The following WDHD1 variants were observed in gnomAD, a reference collection of about 807,000 sequenced individuals.
WDHD1 encodes the protein WD repeat and HMG-box DNA-binding protein 1.
In WDHD1, 111 loss-of-function variants were observed where a neutral mutation model predicts 135.4. The ratio of observed to expected loss-of-function variants is 0.82; its 90% CI spans 0.70 to 0.96. WDHD1 has a LOEUF of 0.96. Ranked by LOEUF, WDHD1 falls within the 40% of genes least tolerant of loss-of-function variation. The pLI is 0.00. For synonymous variants in WDHD1, 434 were observed against 439.0 expected, an observed-to-expected ratio of 0.99 and a Z score of 0.14; for missense variants, 1,351 against 1,336.3, an observed-to-expected ratio of 1.01 and a Z score of -0.17.
chr14:54,968,405 G>A (rs188858647), intron 16 of WDHD1, among the ~76,000 whole-genome samples: 58 of 152,136 alleles, frequency 3.8e-4, no homozygotes, highest in African/African-American at 1.4e-3. Flanking sequence ...CCTATATCAA[G>A]TTAGAAAGAT....
At chr14:55,009,572 T>G (rs936731453) in intron 4 of WDHD1, among the ~76,000 whole-genome samples, 1 of 151,646 alleles carries the variant, frequency 6.6e-6, no homozygotes, top group Admixed American at 6.6e-5. Context: ...GCCGGGATTA[T>G]AGGCACCCGC....
chr14:55,025,474 AC>A (rs2042420871), intron 2 of WDHD1, among the ~76,000 whole-genome samples: 1 of 152,122 alleles, frequency 6.6e-6, no homozygotes, highest in African/African-American at 2.4e-5. Flanking sequence ...AGAAACACCC[AC>A]AAGTGTGGAG....
chr14:55,011,693 G>A (rs2042173549), intron 3 of WDHD1, among the ~76,000 whole-genome samples: 1 of 151,532 alleles, frequency 6.6e-6, no homozygotes, highest in South Asian at 2.1e-4. Context: ...ACAAACATAA[G>A]ATTACACTAT....
chr14:54,969,558 T>C (rs149934042), intron 16 of WDHD1, among the ~76,000 whole-genome samples: 10 of 152,108 alleles, frequency 6.6e-5, no homozygotes, highest in East Asian at 5.8e-4. Context: ...AGTTCCAAAA[T>C]TGAATCGTAA....
Position 54,979,495 on chromosome 14 carries a change from T to C in WDHD1, c.2063+2045A>G, listed in dbSNP as rs538809636. 2.0e-5 allele frequency among the ~76,000 whole-genome samples: 3 copies of C among 152,282 alleles called. No individual in the cohort carries two copies. The South Asian group carries it at 6.2e-4, about 32-fold the overall frequency. On this transcript the variant is annotated intron_variant, in intron 16 of 25. Coordinates refer to ENST00000360586, the MANE Select transcript of WDHD1 (RefSeq NM_007086.4). Reference sequence around the variant, plus strand: ...CTTGATAAGAGTTATCCACATATTCTACTTTCATTTCTTTACCTCCCATGC... The same window carrying C: ...CTTGATAAGAGTTATCCACATATTCCACTTTCATTTCTTTACCTCCCATGC...
chr14:54,989,258 T>C, intron 12 of WDHD1, 46 bp from the exon 13 acceptor site: 1 of 1,453,864 alleles, frequency 6.9e-7, no homozygotes, highest in Non-Finnish European at 9.4e-7. Flanking sequence ...AAACTGAAGC[T>C]CCTAGAATCA....
intron 25 of WDHD1, 52 bp from the exon 26 acceptor site, chr14:54,941,742 A>G: frequency 6.8e-7 from 1 of 1,462,008 alleles, no homozygotes; most frequent in Non-Finnish European, 9.4e-7. Flanking sequence ...AATAACAAAT[A>G]AGAAGTAAAT....
chr14:55,012,160 T>C (rs1276868615), intron 3 of WDHD1, among the ~76,000 whole-genome samples: 1 of 152,230 alleles, frequency 6.6e-6, no homozygotes, highest in African/African-American at 2.4e-5. Flanking sequence ...TGCTTACTAG[T>C]AAGATTTAGC....
At chr14:54,943,435 C>A (rs1399043593) in intron 25 of WDHD1, among the ~76,000 whole-genome samples, 1 of 152,132 alleles carries the variant, frequency 6.6e-6, no homozygotes, top group Non-Finnish European at 1.5e-5. Context: ...CACTCTGTCA[C>A]CCATGCTGGA....
At chr14:54,986,124 G>C (rs935825001) in intron 14 of WDHD1, among the ~76,000 whole-genome samples, 3 of 152,134 alleles carry the variant, frequency 2.0e-5, no homozygotes, top group Non-Finnish European at 4.4e-5. Context: ...CATGGATTAT[G>C]ATAAAATTCC....
In WDHD1 at chr14:54,962,516, C is replaced by T; in HGVS notation, c.2683G>A (p.Asp895Asn). ...TTCTCACCTGACTTAGCTGAAACAT[C>T]AGAGGAATTTGTACTTTTGGAAAAC... Reference protein sequence around the residue: ...NSFSKSTNSSDVSAKSGAVTF... With the variant: ...NSFSKSTNSSNVSAKSGAVTF... Residue 895 changes from aspartate (D) to asparagine (N), a missense_variant, in exon 21 of 26, where the codon GAT (aspartate) becomes AAT (asparagine). This residue lies in a region of WDHD1 where 1,330 missense variants were observed against 1,296.1 expected (regional missense o/e 1.03). Transcript: ENST00000360586. 2.5e-6 allele frequency: 4 copies of T among 1,610,034 alleles called. No individual in the cohort carries two copies. The highest frequency in any genetic ancestry group is 3.4e-6 in the Non-Finnish European group (4 of 1,178,054).
At position 55,000,540 on chromosome 14, in the gene WDHD1, T is replaced by C; in HGVS notation, c.905A>G (p.Asn302Ser). 1 of 1,606,550 alleles carries C rather than the reference T, an allele frequency of 6.2e-7. No homozygotes were observed. The highest frequency in any genetic ancestry group is 8.5e-7 in the Non-Finnish European group (1 of 1,176,110). Residue 302 changes from asparagine (N) to serine (S), a missense_variant, in exon 10 of 26, where the codon AAT becomes AGT. Asn to Ser is a conservative substitution (Grantham distance 46). Around this residue, in one of 2 missense-constraint regions of WDHD1, gnomAD observed 1,330 missense variants for 1,296.1 expected, o/e 1.03. Transcript: ENST00000360586. Reference protein sequence around the residue: ...DAEGNLGLLENVCDPSGKTSS... With the variant: ...DAEGNLGLLESVCDPSGKTSS... ...TGTCTTTCCACTGGGGTCACAAACA[T>C]TCTCTAGAAGCCCTAGATTTCCTTC...
At chr14:54,962,470 A>G in intron 21 of WDHD1, 28 bp downstream of exon 21, 6 of 1,578,418 alleles carry the variant, frequency 3.8e-6, no homozygotes, top group Non-Finnish European at 3.5e-6. Context: ...AATTTCCTTG[A>G]TATTACAAAT....
chr14:54,946,402 T>G (rs2040925791), intron 24 of WDHD1, among the ~76,000 whole-genome samples: 1 of 152,222 alleles, frequency 6.6e-6, no homozygotes, highest in Admixed American at 6.5e-5. Flanking sequence ...AAATATTAGT[T>G]TCAATAGTGG....
At chr14:54,963,638 A>G (rs555439576) in intron 18 of WDHD1, among the ~76,000 whole-genome samples, 2 of 152,224 alleles carry the variant, frequency 1.3e-5, no homozygotes, top group South Asian at 4.1e-4. Flanking sequence ...CCCCGTCTCT[A>G]CTAAAAACAC....
In WDHD1 at chr14:54,966,575, T is replaced by C; in HGVS notation, c.2210A>G (p.Asn737Ser). Residue 737 changes from asparagine to serine, a missense_variant, in exon 18 of 26, where the codon AAC (asparagine) becomes AGC (serine). This residue lies in a region of WDHD1 where 1,330 missense variants were observed against 1,296.1 expected (regional missense o/e 1.03). Transcript: ENST00000360586. ...EQFWRSVIFHNHLDYLAKNGY... is the reference protein window; with the variant it reads ...EQFWRSVIFHSHLDYLAKNGY... ...ATTTTTAGCTAAATAATCAAGGTGG[T>C]TGTGAAATATAACTGAACGCCAAAA... The C allele has an allele frequency of 3.1e-6, 5 of 1,607,852 alleles. No individual in the cohort carries two copies. The highest frequency in any genetic ancestry group is 1.1e-5 in the South Asian group (1 of 89,506).
chr14:54,971,910 G>C (rs1015506043), intron 16 of WDHD1, among the ~76,000 whole-genome samples: 2 of 152,010 alleles, frequency 1.3e-5, no homozygotes, highest in African/African-American at 4.8e-5. Flanking sequence ...TACAAGGCTG[G>C]GAACGGTGGG....
chr14:55,027,057 TC>T lies in WDHD1; in HGVS notation c.-47del. 1 of 461,918 alleles carries T rather than the reference TC, an allele frequency of 2.2e-6. No individual in the cohort carries two copies. Among genetic ancestry groups the T allele is most frequent in the Non-Finnish European group, 4.0e-6 (1 of 252,006 alleles). The allele number at this position is 461,918 out of a possible 1,614,324, so 28.6% of individuals were successfully genotyped here. On this transcript the variant is annotated 5_prime_UTR_variant, in exon 1 of 26. Coordinates refer to ENST00000360586, the MANE Select transcript of WDHD1 (RefSeq NM_007086.4). ...GTGACCGAGCCTCCGCCACTGAGGATCCACAAGAGCTGCTTCCCGCGCTTCG... is the reference window on the plus strand; with the variant it reads ...GTGACCGAGCCTCCGCCACTGAGGATCACAAGAGCTGCTTCCCGCGCTTCG...
chr14:55,013,604 GAA>G lies in WDHD1; in HGVS notation c.78-10_78-9del, dbSNP rs1555372482. 6.2e-7 allele frequency: 1 copy of G among 1,606,772 alleles called. No homozygotes were observed. The highest frequency in any genetic ancestry group is 1.3e-5 in the African/African-American group (1 of 74,744). ...CCACAAGTCACAATAAAACTGTGAA[GAA>G]AAGACACAAATTAAAGTCATCGGGC... On this transcript the variant is annotated splice_polypyrimidine_tract_variant and intron_variant, in intron 2 of 25. Coordinates refer to ENST00000360586, the MANE Select transcript of WDHD1 (RefSeq NM_007086.4).
Sources: gnomAD v4.1 joint callset for allele counts (sites outside exome capture counted in the v4.1 genomes callset) on GRCh38, gnomAD v4.1.1 for gene constraint, gnomAD v4.1.1 regional missense constraint, MANE v1.5 for transcripts, NCBI Gene and HGNC (gene_info 2026-07-23, HGNC 2026-07-21) for gene names.